The following AAK1 variants were observed in gnomAD, a reference collection of about 807,000 sequenced individuals.
AAK1 encodes the protein AP2 associated kinase 1.
AAK1 carries 37 observed loss-of-function variants against 116.0 expected under a neutral mutation model. The ratio of observed to expected loss-of-function variants is 0.32; its 90% CI spans 0.25 to 0.42. The LOEUF (loss-of-function observed/expected upper bound fraction) is 0.42. Among genes scored for constraint, AAK1 ranks in the 10% least tolerant of loss-of-function variants. The pLI is 1.00. For synonymous variants in AAK1, 458 were observed against 439.9 expected, an observed-to-expected ratio of 1.04 and a Z score of -0.51; for missense variants, 919 against 1,170.6, an observed-to-expected ratio of 0.79 and a Z score of 3.14.
intron 2 of AAK1, among the ~76,000 whole-genome samples, chr2:69,610,179 T>C (rs1381305764): frequency 6.6e-6 from 1 of 150,958 alleles, no homozygotes; most frequent in Non-Finnish European, 1.5e-5. Flanking sequence ...TAGAATAAAA[T>C]AGAGATCCCA....
At chr2:69,527,051 T>A (rs563948096) in intron 9 of AAK1, among the ~76,000 whole-genome samples, 165 bp downstream of exon 9, 1 of 152,228 alleles carries the variant, frequency 6.6e-6, no homozygotes, top group Admixed American at 6.5e-5. Context: ...ATGGGAAAAC[T>A]GGATTCCCTT....
chr2:69,511,073 A>G (rs1165628400), intron 13 of AAK1, among the ~76,000 whole-genome samples: 1 of 152,232 alleles, frequency 6.6e-6, no homozygotes, highest in African/African-American at 2.4e-5. Context: ...CCTTTACACT[A>G]TCAACCTAGA....
At chr2:69,642,690 C>T (rs1040101334) in intron 2 of AAK1, among the ~76,000 whole-genome samples, 188 bp downstream of exon 2, 2 of 152,188 alleles carry the variant, frequency 1.3e-5, no homozygotes, top group Non-Finnish European at 2.9e-5. Flanking sequence ...CCTCCCCACA[C>T]CCCCATAAGC....
intron 2 of AAK1, among the ~76,000 whole-genome samples, chr2:69,621,843 T>C (rs1172894348): frequency 6.6e-6 from 1 of 152,190 alleles, no homozygotes; most frequent in Non-Finnish European, 1.5e-5. Flanking sequence ...GAATCACTCT[T>C]GATTCCACAC....
At chr2:69,641,305 GAC>G (rs1675713772) in intron 2 of AAK1, among the ~76,000 whole-genome samples, 1 of 152,108 alleles carries the variant, frequency 6.6e-6, no homozygotes. Context: ...ATTTCTCTCT[GAC>G]ACACTCTCCT....
chr2:69,569,390 G>A (rs900718135), intron 2 of AAK1, among the ~76,000 whole-genome samples: 3 of 152,050 alleles, frequency 2.0e-5, no homozygotes, highest in African/African-American at 7.2e-5. Context: ...CATTTTTGAT[G>A]CATTTCCCAG....
intron 12 of AAK1, among the ~76,000 whole-genome samples, chr2:69,516,365 T>C (rs113114553): frequency 4.7e-5 from 7 of 150,266 alleles, no homozygotes; most frequent in African/African-American, 1.7e-4. Context: ...ATCCAGTAAT[T>C]ACAAATCCAA....
At chr2:69,509,636 T>C (rs1676315850) in intron 13 of AAK1, 176 bp from the exon 14 acceptor site, 3 of 616,296 alleles carry the variant, frequency 4.9e-6, no homozygotes, top group Non-Finnish European at 8.5e-6. Context: ...TTTGACAATC[T>C]GTGCTGCAAC....
At chr2:69,575,844 T>C (rs999365831) in intron 2 of AAK1, among the ~76,000 whole-genome samples, 14 of 152,210 alleles carry the variant, frequency 9.2e-5, no homozygotes, top group Admixed American at 6.5e-4. Flanking sequence ...GGCTCCAATA[T>C]GGCTGGGCTC....
At chr2:69,612,609 T>A (rs185826186) in intron 2 of AAK1, among the ~76,000 whole-genome samples, 1 of 152,368 alleles carries the variant, frequency 6.6e-6, no homozygotes, top group Non-Finnish European at 1.5e-5. Context: ...ATGATAAAGG[T>A]TCTTTCTAGC....
chr2:69,560,180 G>A (rs1387890735), intron 2 of AAK1, among the ~76,000 whole-genome samples: 3 of 152,234 alleles, frequency 2.0e-5, no homozygotes. Context: ...GTCTAAAGAT[G>A]TTGGTCACTA....
In AAK1 at chr2:69,460,242, A is replaced by G. The variant is rs1674307047; in HGVS notation, c.*15627T>C. 1 of 152,638 alleles carries G rather than the reference A, an allele frequency of 6.6e-6. No individual in the cohort carries two copies. The highest frequency in any genetic ancestry group is 1.5e-5 in the Non-Finnish European group (1 of 68,040). The allele number at this position is 152,638 out of a possible 1,614,324, so 9.5% of individuals were successfully genotyped here. A position where few individuals can be genotyped will look rare whatever the true frequency, so the allele number is the denominator to read the frequency against. ...ACACTTTTCTTTATTAAAGGGACCC[A>G]AGTGATTTTTAAGCTGTATTCTTCC... On this transcript the variant is annotated 3_prime_UTR_variant, in exon 22 of 22. Transcript: ENST00000409085.
chr2:69,520,041 AT>A (rs1323520749), intron 11 of AAK1: 3 of 218,754 alleles, frequency 1.4e-5, no homozygotes, highest in Non-Finnish European at 2.9e-5. Context: ...CCAAGCAGGC[AT>A]TTTTGTAGGC....
At chr2:69,627,006 G>A (rs1027268933) in intron 2 of AAK1, among the ~76,000 whole-genome samples, 20 of 152,222 alleles carry the variant, frequency 1.3e-4, no homozygotes, top group African/African-American at 4.8e-4. Context: ...TTCTCATGGA[G>A]GCCAGGCATG....
At position 69,562,957 on chromosome 2, in the gene AAK1, G is replaced by A. The variant is rs559404086; in HGVS notation, c.164-5979C>T. On this transcript the variant is annotated intron_variant, in intron 2 of 21. Transcript: ENST00000409085. Reference sequence around the variant, plus strand: ...GTGCATGCCTGTAGTCTAGGTACTCGGGAGGCTGAAGCAGGAGGATTGCTT... The same window carrying A: ...GTGCATGCCTGTAGTCTAGGTACTCAGGAGGCTGAAGCAGGAGGATTGCTT... Among the ~76,000 whole-genome samples, 27 of 152,200 alleles carry A rather than the reference G, an allele frequency of 1.8e-4. No homozygotes were observed. In the South Asian group the frequency reaches 5.0e-3, roughly 28 times the overall value.
At chr2:69,548,999 G>A (rs1240839368) in intron 3 of AAK1, among the ~76,000 whole-genome samples, 1 of 152,088 alleles carries the variant, frequency 6.6e-6, no homozygotes, top group Non-Finnish European at 1.5e-5. Context: ...TACCTATCTG[G>A]AATCTTCCAC....
chr2:69,582,587 G>A (rs576975512), intron 2 of AAK1, among the ~76,000 whole-genome samples: 19 of 152,176 alleles, frequency 1.2e-4, no homozygotes, highest in African/African-American at 3.6e-4. Flanking sequence ...GGGTGAGGGC[G>A]GAACATCATA....
At chr2:69,556,663 G>GCTC (rs34295643) in intron 3 of AAK1, among the ~76,000 whole-genome samples, 197 bp downstream of exon 3, 79,863 of 151,674 alleles carry the variant, frequency 0.53, 22,917 homozygotes, top group East Asian at 0.77. Context: ...CTCTCAAAAT[G>GCTC]CTTTTTCCTC....
chr2:69,540,895 C>T (rs1322214277), intron 5 of AAK1, among the ~76,000 whole-genome samples: 1 of 152,202 alleles, frequency 6.6e-6, no homozygotes, highest in Non-Finnish European at 1.5e-5. Context: ...AAATGTGGTA[C>T]ATCCATACAA....
Sources: allele counts gnomAD v4.1 joint callset (sites outside exome capture counted in the v4.1 genomes callset), GRCh38; gene constraint gnomAD v4.1.1; transcripts MANE v1.5; gene names NCBI Gene and HGNC (gene_info 2026-07-23, HGNC 2026-07-21).